Variants in ARID2 observed in about 807,000 individuals in gnomAD.
The protein encoded by ARID2 is AT-rich interaction domain 2.
Under a neutral mutation model 184.6 loss-of-function variants are expected in ARID2, and 32 were observed. That is an observed-to-expected ratio of 0.17 (90% CI 0.13 to 0.23). The LOEUF (loss-of-function observed/expected upper bound fraction) is 0.23, where lower values mean the gene tolerates loss of function less well. Ranked by LOEUF, ARID2 falls within the 10% of genes least tolerant of loss-of-function variation. ARID2 has a pLI of 1.00. For missense variants in ARID2, 1,696 were observed against 2,197.6 expected, an observed-to-expected ratio of 0.77 and a Z score of 4.56; for synonymous variants, 836 against 772.6, an observed-to-expected ratio of 1.08 and a Z score of -1.36.
At chr12:45,745,725 C>T (rs974355554) in intron 3 of ARID2, among the ~76,000 whole-genome samples, 2 of 151,868 alleles carry the variant, frequency 1.3e-5, no homozygotes, top group African/African-American at 2.4e-5. Flanking sequence ...TTTTTTTGTA[C>T]GTTTAGTAGA....
chr12:45,879,116 C>T (rs1358519813), intron 16 of ARID2, among the ~76,000 whole-genome samples: 1 of 152,116 alleles, frequency 6.6e-6, no homozygotes, highest in Non-Finnish European at 1.5e-5. Flanking sequence ...GTGAAATATT[C>T]TATAATCTTA....
intron 3 of ARID2, among the ~76,000 whole-genome samples, chr12:45,806,107 T>C (rs921382285): frequency 6.6e-6 from 1 of 152,110 alleles, no homozygotes; most frequent in Non-Finnish European, 1.5e-5. Flanking sequence ...GGTAGGAAAC[T>C]CCTGTGAAAT....
chr12:45,773,874 A>G (rs1941926814), intron 3 of ARID2, among the ~76,000 whole-genome samples: 1 of 152,148 alleles, frequency 6.6e-6, no homozygotes. Flanking sequence ...TTAGTTGGGG[A>G]CAGATGTACC....
chr12:45,861,059 A>C (rs1003858848), intron 16 of ARID2, 110 bp downstream of exon 16: 2 of 965,264 alleles, frequency 2.1e-6, no homozygotes, highest in African/African-American at 3.4e-5. Context: ...TAGAACCACT[A>C]ACTTTAGCGA....
chr12:45,743,617 T>C (rs551850605), intron 3 of ARID2, among the ~76,000 whole-genome samples: 4 of 152,330 alleles, frequency 2.6e-5, no homozygotes, highest in South Asian at 4.1e-4. Context: ...ATGTTTATTT[T>C]TCCATGTGTA....
At chr12:45,867,039 C>T (rs1006748261) in intron 16 of ARID2, among the ~76,000 whole-genome samples, 1 of 152,056 alleles carries the variant, frequency 6.6e-6, no homozygotes, top group African/African-American at 2.4e-5. Flanking sequence ...CAACCTCCAC[C>T]TCCCAAGTTC....
chr12:45,831,077 A>G (rs772171498), intron 6 of ARID2, among the ~76,000 whole-genome samples: 1 of 151,988 alleles, frequency 6.6e-6, no homozygotes, highest in Non-Finnish European at 1.5e-5. Flanking sequence ...AGAAAACACA[A>G]ATATAATTGA....
intron 16 of ARID2, among the ~76,000 whole-genome samples, chr12:45,889,247 A>G (rs188004641): frequency 1.2e-4 from 19 of 152,340 alleles, no homozygotes; most frequent in Admixed American, 1.1e-3. Flanking sequence ...ATATAAAATT[A>G]TATCAGTAAC....
At chr12:45,783,274 T>C (rs753086980) in intron 3 of ARID2, among the ~76,000 whole-genome samples, 8 of 152,350 alleles carry the variant, frequency 5.3e-5, no homozygotes, top group Middle Eastern at 3.4e-3. Flanking sequence ...GCCTTAATTA[T>C]GACTATCAAT....
intron 16 of ARID2, among the ~76,000 whole-genome samples, chr12:45,862,921 C>T (rs540528733): frequency 1.3e-5 from 2 of 152,060 alleles, no homozygotes; most frequent in Admixed American, 6.5e-5. Context: ...CTTTTCACTA[C>T]TGCATTGCTA....
intron 6 of ARID2, among the ~76,000 whole-genome samples, chr12:45,822,181 T>C (rs1281367588): frequency 6.6e-6 from 1 of 152,164 alleles, no homozygotes; most frequent in Non-Finnish European, 1.5e-5. Flanking sequence ...CTAAAATTTC[T>C]AAATCTATCC....
chr12:45,905,184 T>G lies in ARID2; in HGVS notation c.*106T>G. On this transcript the variant is annotated 3_prime_UTR_variant, in exon 21 of 21. Transcript: ENST00000334344. Reference sequence around the variant, plus strand: ...AATGGAACAAAGACCATAGAATGAATTATTTTATCTCCTCCCATGATGCTG... The same window carrying G: ...AATGGAACAAAGACCATAGAATGAAGTATTTTATCTCCTCCCATGATGCTG... 1 of 1,133,026 alleles carries G rather than the reference T, an allele frequency of 8.8e-7. No individual in the cohort carries two copies. Among genetic ancestry groups the G allele is most frequent in the Non-Finnish European group, 1.2e-6 (1 of 829,192 alleles). The allele number at this position is 1,133,026 out of a possible 1,614,324, so 70.2% of individuals were successfully genotyped here.
chr12:45,813,458 TA>T (rs56373880), intron 4 of ARID2, among the ~76,000 whole-genome samples: 42,089 of 138,140 alleles, frequency 0.3, 6,161 homozygotes, highest in Admixed American at 0.34. Context: ...GCATGTGTTC[TA>T]AAAAAAAAAA....
intron 18 of ARID2, 110 bp from the exon 19 acceptor site, chr12:45,893,310 C>T (rs1384543734): frequency 7.5e-6 from 10 of 1,328,830 alleles, no homozygotes; most frequent in South Asian, 1.7e-5. Context: ...ACCCTGTAAA[C>T]ACGATTTTAA....
chr12:45,804,490 G>A (rs1427698053), intron 3 of ARID2, among the ~76,000 whole-genome samples: 1 of 147,018 alleles, frequency 6.8e-6, no homozygotes, highest in African/African-American at 2.5e-5. Context: ...GTGTGTGTGC[G>A]TGTGTGTGTG....
chr12:45,730,191 C>A, intron 2 of ARID2, 54 bp downstream of exon 2: 1 of 1,580,440 alleles, frequency 6.3e-7, no homozygotes, highest in East Asian at 2.3e-5. Context: ...TCCAAAAAGT[C>A]TCCTTTGACC....
At chr12:45,842,962 G>T (rs1943379928) in intron 11 of ARID2, among the ~76,000 whole-genome samples, 1 of 151,942 alleles carries the variant, frequency 6.6e-6, no homozygotes, top group Admixed American at 6.6e-5. Context: ...AATCTAGTTT[G>T]CATTATTAAA....
intron 3 of ARID2, among the ~76,000 whole-genome samples, chr12:45,810,932 G>C (rs185313785): frequency 6.6e-6 from 1 of 151,648 alleles, no homozygotes; most frequent in East Asian, 1.9e-4. Context: ...CATTGAGGCC[G>C]GGCGCGGTGG....
chr12:45,757,129 T>C (rs924505441), intron 3 of ARID2, among the ~76,000 whole-genome samples: 7 of 152,190 alleles, frequency 4.6e-5, no homozygotes, highest in Non-Finnish European at 8.8e-5. Context: ...TCCCCTTTCA[T>C]TGTACAATTT....
Sources: allele counts gnomAD v4.1 joint callset (sites outside exome capture counted in the v4.1 genomes callset), GRCh38; gene constraint gnomAD v4.1.1; transcripts MANE v1.5; gene names NCBI Gene and HGNC (gene_info 2026-07-23, HGNC 2026-07-21).